The following LAMC3 variants were observed in gnomAD, a reference collection of about 807,000 sequenced individuals.
The protein encoded by LAMC3 is laminin subunit gamma 3, also known as laminin subunit gamma-3.
LAMC3 carries 128 observed loss-of-function variants against 173.8 expected under a neutral mutation model. The ratio of observed to expected loss-of-function variants is 0.74; its 90% CI spans 0.64 to 0.85. LAMC3 has a LOEUF of 0.85. LAMC3 is among the 40% of genes least tolerant of loss of function. The probability of loss-of-function intolerance (pLI) is 0.00; values close to 1 mark genes in which losing one functional copy is unlikely to be tolerated. For synonymous variants in LAMC3, 897 were observed against 909.1 expected (o/e 0.99, Z 0.24); for missense variants, 2,022 against 2,156.0 (o/e 0.94, Z 1.23).
intron 4 of LAMC3, 33 bp from the exon 5 acceptor site, chr9:131,038,831 G>GA: frequency 6.2e-7 from 1 of 1,607,248 alleles, no homozygotes; most frequent in Non-Finnish European, 8.5e-7. Context: ...CATCACAGGG[G>GA]ACTCACACAC....
At chr9:131,084,227 T>G (rs1243419227) in intron 24 of LAMC3, among the ~76,000 whole-genome samples, 1 of 151,994 alleles carries the variant, frequency 6.6e-6, no homozygotes, top group Non-Finnish European at 1.5e-5. Flanking sequence ...GAATTTTTTT[T>G]TGAGTTGGGG....
At chr9:131,020,452 TA>T (rs1833605935) in intron 1 of LAMC3, among the ~76,000 whole-genome samples, 1 of 152,162 alleles carries the variant, frequency 6.6e-6, no homozygotes, top group Admixed American at 6.5e-5. Context: ...AAGCCCCAAA[TA>T]TGAATCAAGA....
In LAMC3 at chr9:131,036,473, G is replaced by A. The variant is rs115641628; in HGVS notation, c.976+141G>A. 2.7e-3 allele frequency: 2,482 copies of A among 927,126 alleles called. 30 individuals are homozygous for A. In the African/African-American group the frequency reaches 0.033, roughly 12 times the overall value. 57.4% of individuals were successfully genotyped at this position (927,126 alleles called of 1,614,324 possible). ...CTCGGGGTCTCTGTGCTGCTGCAGAGATAAGGACGAGCAGAAGGGGAGCCT... is the reference window on the plus strand; with the variant it reads ...CTCGGGGTCTCTGTGCTGCTGCAGAAATAAGGACGAGCAGAAGGGGAGCCT... On this transcript the variant is annotated intron_variant, in intron 4 of 27. Coordinates refer to ENST00000361069, the MANE Select transcript of LAMC3 (RefSeq NM_006059.4).
Position 131,009,815 on chromosome 9 carries a change from A to G in LAMC3, c.373+228A>G, listed in dbSNP as rs989468342. 4.6e-5 allele frequency among the ~76,000 whole-genome samples: 7 copies of G among 151,748 alleles called. No homozygotes were observed. Among genetic ancestry groups the G allele is most frequent in the Non-Finnish European group, 7.4e-5 (5 of 67,936 alleles). On this transcript the variant is annotated intron_variant, in intron 1 of 27. Coordinates refer to ENST00000361069, the MANE Select transcript of LAMC3 (RefSeq NM_006059.4). This position sits in a 1 kb window ranked among gnomAD's most constrained non-coding sequence, Gnocchi z 4.3. ...GAGGGTCGCTTGAGCCCAGGAGTTC[A>G]AGATCAGCCTGGGCAACGTAGTGAG...
Position 131,082,078 on chromosome 9 carries a change from C to T in LAMC3, c.3947C>T (p.Ala1316Val). The T allele has an allele frequency of 6.2e-7, 1 of 1,613,782 alleles. No homozygotes were observed. Residue 1316 changes from alanine (A) to valine (V), a missense_variant, in exon 24 of 28, where the codon GCC becomes GTC. Transcript: ENST00000361069. ...CTCCAGCTGCACCAGGAGGCCAGAG[C>T]CGCCCTGACCCAGGCTTCCTCATCT... ...PLTKLHQEAR[A>V]ALTQASSSVQ...
chr9:131,041,081 T>C (rs1976959), intron 6 of LAMC3, among the ~76,000 whole-genome samples: 109,124 of 151,884 alleles, frequency 0.72, 39,288 homozygotes, highest in African/African-American at 0.73. Flanking sequence ...GAAAGATTCA[T>C]GGAGGCCGAG....
intron 27 of LAMC3, among the ~76,000 whole-genome samples, chr9:131,091,146 C>T (rs567704912): frequency 7.9e-5 from 12 of 152,356 alleles, no homozygotes; most frequent in African/African-American, 2.4e-4. Context: ...CATCTGTAAA[C>T]GTGTGCTGTC....
chr9:131,047,915 T>A (rs566170510), intron 8 of LAMC3, among the ~76,000 whole-genome samples: 10 of 108,818 alleles, frequency 9.2e-5, no homozygotes, highest in African/African-American at 4.1e-4. Flanking sequence ...TATTTATTTT[T>A]ATTTTATTTT....
At chr9:131,062,499 T>C (rs1352839898) in intron 13 of LAMC3, among the ~76,000 whole-genome samples, 1 of 152,206 alleles carries the variant, frequency 6.6e-6, no homozygotes, top group Non-Finnish European at 1.5e-5. Flanking sequence ...GAAGTACAAT[T>C]TGCAATGCTG....
Position 131,092,255 on chromosome 9 carries a change from G to A in LAMC3, c.*468G>A. On this transcript the variant is annotated 3_prime_UTR_variant, in exon 28 of 28. Coordinates refer to ENST00000361069, the MANE Select transcript of LAMC3 (RefSeq NM_006059.4). ...GTGCTACATCCACTCACTCCAGATA[G>A]CAGGGAGGTCTCAGCAGATCTGCAG... is the stretch of plus-strand genomic sequence containing the variant. 4.3e-6 allele frequency: 1 copy of A among 232,058 alleles called. No homozygotes were observed. Among genetic ancestry groups the A allele is most frequent in the Non-Finnish European group, 8.6e-6 (1 of 115,762 alleles). The allele number at this position is 232,058 out of a possible 1,614,324, so 14.4% of individuals were successfully genotyped here. A position where few individuals can be genotyped will look rare whatever the true frequency, so the allele number is the denominator to read the frequency against.
At chr9:131,040,081 C>A (rs1834020981) in intron 6 of LAMC3, among the ~76,000 whole-genome samples, 1 of 142,748 alleles carries the variant, frequency 7.0e-6, no homozygotes, top group Non-Finnish European at 1.5e-5. Context: ...GTGGTGCCAT[C>A]TTGGCTCACT....
At chr9:131,025,145 G>T (rs1036764333) in intron 1 of LAMC3, among the ~76,000 whole-genome samples, 3 of 152,096 alleles carry the variant, frequency 2.0e-5, no homozygotes, top group African/African-American at 7.2e-5. Context: ...CAGTTCTCCC[G>T]CGCCCGCACC....
chr9:131,077,706 A>C (rs958409887), intron 22 of LAMC3, among the ~76,000 whole-genome samples: 29 of 149,286 alleles, frequency 1.9e-4, no homozygotes, highest in African/African-American at 4.7e-4. Flanking sequence ...AAAAAAAAAA[A>C]AAAAAAACTA....
Position 131,029,250 on chromosome 9 carries a change from C to T in LAMC3, c.678+2661C>T, listed in dbSNP as rs10435977. On this transcript the variant is annotated intron_variant, in intron 2 of 27. Transcript: ENST00000361069. This position sits in a 1 kb window ranked among gnomAD's most constrained non-coding sequence, Gnocchi z 4.6. Reference sequence around the variant, plus strand: ...TATCACACAGTACCACATCTCTAGACGTCCAGGCCCTGCTTGTCCCACTAA... The same window carrying T: ...TATCACACAGTACCACATCTCTAGATGTCCAGGCCCTGCTTGTCCCACTAA... Among the ~76,000 whole-genome samples, 132 of 152,348 alleles carry T rather than the reference C, an allele frequency of 8.7e-4. 2 individuals carry two copies. In the East Asian group the frequency reaches 0.021, roughly 24 times the overall value.
rs376565941 is a variant in LAMC3 at position 131,038,883 on chromosome 9, C to T, written c.996C>T (p.Arg332=). Residue 332 remains arginine (R), a synonymous_variant, in exon 5 of 28, where the codon CGC becomes CGT. Coordinates refer to ENST00000361069, the MANE Select transcript of LAMC3 (RefSeq NM_006059.4). ...HECLPCNCSG[R]SEECTFDREL... Reference sequence around the variant, plus strand: ...CCATAGCCTGCAACTGCAGTGGCCGCTCCGAGGAATGCACGTTTGATCGGG... The same window carrying T: ...CCATAGCCTGCAACTGCAGTGGCCGTTCCGAGGAATGCACGTTTGATCGGG... The T allele has an allele frequency of 2.3e-5, 37 of 1,613,282 alleles. No individual in the cohort carries two copies. Among genetic ancestry groups the T allele is most frequent in the Non-Finnish European group, 3.0e-5 (35 of 1,180,032 alleles).
At chr9:131,051,614 C>A (rs1405910727) in intron 9 of LAMC3, among the ~76,000 whole-genome samples, 1 of 152,136 alleles carries the variant, frequency 6.6e-6, no homozygotes, top group Non-Finnish European at 1.5e-5. Context: ...CCACTCGCCT[C>A]AGCCTCCAAA....
At chr9:131,025,796 A>C (rs1833704433) in intron 1 of LAMC3, among the ~76,000 whole-genome samples, 1 of 152,120 alleles carries the variant, frequency 6.6e-6, no homozygotes, top group Admixed American at 6.5e-5. Context: ...GGAAATTTGG[A>C]AGATAGAAAC....
chr9:131,091,982 C>G lies in LAMC3; in HGVS notation c.*195C>G. ...CTGCCAGCAGGACTGAGTGTGCGTA[C>G]CCAGTTCACCTGGACATGAGTGCAC... On this transcript the variant is annotated 3_prime_UTR_variant, in exon 28 of 28. Transcript: ENST00000361069. 1 of 659,968 alleles carries G rather than the reference C, an allele frequency of 1.5e-6. No homozygotes were observed. The highest frequency in any genetic ancestry group is 2.7e-5 in the East Asian group (1 of 36,436). The allele number at this position is 659,968 out of a possible 1,614,324, so 40.9% of individuals were successfully genotyped here.
chr9:131,071,449 C>T (rs1666423187), intron 17 of LAMC3, 35 bp from the exon 18 acceptor site: 1 of 1,596,200 alleles, frequency 6.3e-7, no homozygotes. Context: ...TCCATGCCAC[C>T]AGCCTCATAC....
Sources: gnomAD v4.1 joint callset for allele counts (sites outside exome capture counted in the v4.1 genomes callset) on GRCh38, gnomAD v4.1.1 for gene constraint, Gnocchi (gnomAD v3.1) non-coding constraint, MANE v1.5 for transcripts, NCBI Gene and HGNC (gene_info 2026-07-23, HGNC 2026-07-21) for gene names.